Variants in DCC observed in about 807,000 individuals in gnomAD.
The protein encoded by DCC is DCC netrin 1 receptor.
DCC carries 58 observed loss-of-function variants against 172.5 expected under a neutral mutation model. That is an observed-to-expected ratio of 0.34 (90% CI 0.27 to 0.42). The LOEUF (loss-of-function observed/expected upper bound fraction) is 0.42. DCC is among the 10% of genes least tolerant of loss of function. The probability of loss-of-function intolerance (pLI) is 1.00; values close to 1 mark genes in which losing one functional copy is unlikely to be tolerated. For missense variants in DCC, 1,740 were observed against 1,791.0 expected (o/e 0.97, Z 0.51); for synonymous variants, 709 against 644.5 (o/e 1.10, Z -1.52).
intron 5 of DCC, among the ~76,000 whole-genome samples, chr18:52,942,713 T>C (rs1189284302): frequency 6.6e-6 from 1 of 152,172 alleles, no homozygotes; most frequent in Non-Finnish European, 1.5e-5. Flanking sequence ...ATGATTCAAA[T>C]TATCTCCCGC....
intron 1 of DCC, among the ~76,000 whole-genome samples, chr18:52,460,478 G>T (rs1027829400): frequency 1.3e-5 from 2 of 151,704 alleles, no homozygotes; most frequent in Non-Finnish European, 2.9e-5. Context: ...GTTTATTGCT[G>T]GTGTCTCTCC....
At chr18:52,921,001 G>T (rs1248358834) in intron 3 of DCC, among the ~76,000 whole-genome samples, 1 of 152,118 alleles carries the variant, frequency 6.6e-6, no homozygotes, top group Admixed American at 6.6e-5. Context: ...AATGATCAGT[G>T]GTTGCCTGGA....
intron 1 of DCC, among the ~76,000 whole-genome samples, chr18:52,711,838 G>A (rs531534246): frequency 6.6e-6 from 1 of 152,240 alleles, no homozygotes; most frequent in East Asian, 1.9e-4. Context: ...TGCTAACAAT[G>A]CCTGACTTTT....
chr18:52,373,172 C>G (rs1197676729), intron 1 of DCC, among the ~76,000 whole-genome samples: 1 of 152,136 alleles, frequency 6.6e-6, no homozygotes, highest in Admixed American at 6.5e-5. Flanking sequence ...ATCAACCCCA[C>G]CCACAAGGCA....
chr18:53,107,983 G>C (rs1370319441), intron 7 of DCC, among the ~76,000 whole-genome samples: 2 of 151,288 alleles, frequency 1.3e-5, no homozygotes, highest in Non-Finnish European at 3.0e-5. Flanking sequence ...CCCTCAAATA[G>C]ATAATCACTG....
intron 5 of DCC, among the ~76,000 whole-genome samples, chr18:52,988,517 G>A (rs2041331557): frequency 6.6e-6 from 1 of 151,632 alleles, no homozygotes; most frequent in Non-Finnish European, 1.5e-5. Flanking sequence ...CCTTAATCTG[G>A]CTCTTATTCA....
rs1282752715 is a variant in DCC at position 52,926,925 on chromosome 18, A to ACACACATATATG, written c.985+1555_985+1556insCACACATATATG. ...TGTGTATATATACGTATACATATAT[A>ACACACATATATG]TGTATATATAAACGTATATGATATA... On this transcript the variant is annotated intron_variant, in intron 5 of 28. Coordinates refer to ENST00000442544, the MANE Select transcript of DCC (RefSeq NM_005215.4). 1.1e-4 allele frequency among the ~76,000 whole-genome samples: 12 copies of ACACACATATATG among 113,926 alleles called. 1 individual carries two copies. The highest frequency in any genetic ancestry group is 2.3e-4 in the Non-Finnish European group (11 of 48,308). The allele number at this position is 113,926 out of a possible 152,430, so 74.7% of individuals were successfully genotyped here. A position where few individuals can be genotyped will look rare whatever the true frequency, so the allele number is the denominator to read the frequency against.
At chr18:52,918,935 TCAAAA>T (rs753984171) in intron 3 of DCC, among the ~76,000 whole-genome samples, 3 of 152,202 alleles carry the variant, frequency 2.0e-5, no homozygotes, top group Non-Finnish European at 4.4e-5. Context: ...ATTTAATGAC[TCAAAA>T]CAGTAATGAT....
chr18:52,414,908 T>C lies in DCC; in HGVS notation c.91+74030T>C, dbSNP rs183636775. On this transcript the variant is annotated intron_variant, in intron 1 of 28. Coordinates refer to ENST00000442544, the MANE Select transcript of DCC (RefSeq NM_005215.4). ...CAGGGAAAACTAGTTGGCATATTTC[T>C]GCAATTGCAGAGTATTACACACCAA... 1.3e-3 allele frequency among the ~76,000 whole-genome samples: 192 copies of C among 152,350 alleles called. 1 individual carries two copies. The highest frequency in any genetic ancestry group is 4.4e-3 in the African/African-American group (184 of 41,598).
chr18:52,694,947 G>A (rs1890546882), intron 1 of DCC, among the ~76,000 whole-genome samples: 1 of 152,184 alleles, frequency 6.6e-6, no homozygotes, highest in African/African-American at 2.4e-5. Context: ...GATAAAGGAT[G>A]CTCTTTTGTA....
At chr18:53,478,316 G>A (rs1158645799) in intron 25 of DCC, among the ~76,000 whole-genome samples, 2 of 152,078 alleles carry the variant, frequency 1.3e-5, no homozygotes, top group Non-Finnish European at 2.9e-5. Flanking sequence ...ATTCCTTGAA[G>A]AAAGATTTAG....
intron 1 of DCC, among the ~76,000 whole-genome samples, chr18:52,679,502 G>A (rs2035706072): frequency 6.6e-6 from 1 of 152,118 alleles, no homozygotes; most frequent in East Asian, 1.9e-4. Flanking sequence ...TCTTTGTAAT[G>A]CCTGGACATG....
chr18:53,454,187 A>C (rs1024204991), intron 23 of DCC, among the ~76,000 whole-genome samples: 2 of 152,156 alleles, frequency 1.3e-5, no homozygotes, highest in Admixed American at 1.3e-4. Context: ...ATCTCTAAAA[A>C]ATTTTAAATC....
rs746093132 is a variant in DCC at position 53,410,563 on chromosome 18, C to T, written c.3047C>T (p.Thr1016Ile). 6.2e-7 allele frequency: 1 copy of T among 1,607,164 alleles called. No individual in the cohort carries two copies. The highest frequency in any genetic ancestry group is 8.5e-7 in the Non-Finnish European group (1 of 1,173,632). The change falls in exon 20 of 29, where the codon ACT becomes ATT. Residue 1016 changes from threonine (T) to isoleucine (I), a missense_variant. Around this residue, in one of 2 missense-constraint regions of DCC, gnomAD observed 1,732 missense variants for 1,767.4 expected, o/e 0.98. Coordinates refer to ENST00000442544, the MANE Select transcript of DCC (RefSeq NM_005215.4). Reference protein sequence around the residue: ...THQIMDLNLDTMYYFRIQARN... With the variant: ...THQIMDLNLDIMYYFRIQARN... ...CAAATCATGGATCTCAACCTTGATA[C>T]TATGTATTACTTTCGAATTCAAGCA...
At chr18:52,486,002 T>C (rs2030200174) in intron 1 of DCC, among the ~76,000 whole-genome samples, 1 of 152,154 alleles carries the variant, frequency 6.6e-6, no homozygotes, top group Non-Finnish European at 1.5e-5. Context: ...TATTTTGTTT[T>C]ATTTTAGTTT....
intron 5 of DCC, among the ~76,000 whole-genome samples, chr18:53,015,617 C>G (rs1037805846): frequency 6.6e-6 from 1 of 152,020 alleles, no homozygotes; most frequent in Non-Finnish European, 1.5e-5. Context: ...GAGGTTATAT[C>G]CTTACGTACA....
chr18:53,489,087 TTGATTAA>T (rs1213628821), intron 26 of DCC, among the ~76,000 whole-genome samples: 1 of 152,048 alleles, frequency 6.6e-6, no homozygotes, highest in Non-Finnish European at 1.5e-5. Flanking sequence ...AAGAAATTAA[TTGATTAA>T]AATATTTATT....
At chr18:52,791,137 C>T (rs1281838969) in intron 2 of DCC, among the ~76,000 whole-genome samples, 1 of 152,126 alleles carries the variant, frequency 6.6e-6, no homozygotes, top group East Asian at 1.9e-4. Context: ...CAAATGGTTC[C>T]CCCAGGAGTT....
At chr18:53,063,937 A>G (rs1461147081) in intron 6 of DCC, among the ~76,000 whole-genome samples, 1 of 152,150 alleles carries the variant, frequency 6.6e-6, no homozygotes, top group Non-Finnish European at 1.5e-5. Context: ...GGACCAGCTT[A>G]TCCTACATGA....
Sources: allele counts gnomAD v4.1 joint callset (sites outside exome capture counted in the v4.1 genomes callset), GRCh38; gene constraint gnomAD v4.1.1; regional missense constraint gnomAD v4.1.1; transcripts MANE v1.5; gene names NCBI Gene and HGNC (gene_info 2026-07-23, HGNC 2026-07-21).